Variants in CLSTN2 observed in about 807,000 individuals in gnomAD.
The protein encoded by CLSTN2 is calsyntenin 2, also known as calsyntenin-2.
A neutral mutation model predicts 101.2 loss-of-function variants in CLSTN2; 48 were observed. The ratio of observed to expected loss-of-function variants is 0.47; its 90% CI spans 0.38 to 0.60. The LOEUF (loss-of-function observed/expected upper bound fraction) is 0.60. Among genes scored for constraint, CLSTN2 ranks in the 20% least tolerant of loss-of-function variants. CLSTN2 has a pLI of 0.00. For missense variants in CLSTN2, 1,160 were observed against 1,238.2 expected (o/e 0.94, Z 0.95); for synonymous variants, 481 against 463.6 (o/e 1.04, Z -0.48).
chr3:140,261,602 T>C (rs2086654796), intron 2 of CLSTN2, among the ~76,000 whole-genome samples: 1 of 152,200 alleles, frequency 6.6e-6, no homozygotes, highest in African/African-American at 2.4e-5. Context: ...GTGTACTTGC[T>C]GCTACTAGGG....
chr3:139,940,493 A>G (rs1282484528), intron 1 of CLSTN2, among the ~76,000 whole-genome samples: 1 of 151,896 alleles, frequency 6.6e-6, no homozygotes, highest in East Asian at 2.0e-4. Context: ...ATGACTAATT[A>G]TTGATCACTT....
At chr3:139,961,064 G>A (rs972356390) in intron 1 of CLSTN2, among the ~76,000 whole-genome samples, 2 of 152,100 alleles carry the variant, frequency 1.3e-5, no homozygotes, top group Non-Finnish European at 2.9e-5. Context: ...ACAAAACTGA[G>A]TAGGATAGCA....
rs556004258 is a variant in CLSTN2, at chr3:140,048,540, C to A, written c.109+113057C>A. Among the ~76,000 whole-genome samples the A allele has an allele frequency of 1.5e-3, 225 of 152,332 alleles. 1 individual carries two copies. In the South Asian group the frequency reaches 0.021, roughly 14 times the overall value. ...CATTCTTTATACACATTAATTTAGA[C>A]CTCACAACAGCCCTATTGGGTAGAT... On this transcript the variant is annotated intron_variant, in intron 1 of 16. Transcript: ENST00000458420.
intron 8 of CLSTN2, among the ~76,000 whole-genome samples, chr3:140,481,233 G>A (rs1359614889): frequency 6.6e-6 from 1 of 152,068 alleles, no homozygotes; most frequent in African/African-American, 2.4e-5. Flanking sequence ...TTTTTGTCAG[G>A]TTTGTCAAAG....
chr3:140,182,488 T>C (rs2010424623), intron 2 of CLSTN2, among the ~76,000 whole-genome samples: 1 of 152,054 alleles, frequency 6.6e-6, no homozygotes, highest in Admixed American at 6.6e-5. Context: ...GCCCCACAGC[T>C]CTCTGAGCTC....
At chr3:140,318,429 G>A (rs1458937915) in intron 2 of CLSTN2, among the ~76,000 whole-genome samples, 1 of 152,202 alleles carries the variant, frequency 6.6e-6, no homozygotes, top group Non-Finnish European at 1.5e-5. Flanking sequence ...AAAGGGCGAT[G>A]TCAGGATGCT....
chr3:140,318,810 G>A (rs2087255498), intron 2 of CLSTN2, among the ~76,000 whole-genome samples: 1 of 152,158 alleles, frequency 6.6e-6, no homozygotes, highest in Admixed American at 6.5e-5. Flanking sequence ...GCTAAATGTT[G>A]AGGAGGAGTC....
At chr3:139,951,037 G>A (rs140414812) in intron 1 of CLSTN2, among the ~76,000 whole-genome samples, 2 of 152,294 alleles carry the variant, frequency 1.3e-5, no homozygotes, top group East Asian at 3.9e-4. Flanking sequence ...TCATAGGATG[G>A]TTGTATTCCT....
intron 2 of CLSTN2, among the ~76,000 whole-genome samples, chr3:140,275,652 ACT>A (rs1424458116): frequency 6.6e-6 from 1 of 151,422 alleles, no homozygotes; most frequent in East Asian, 1.9e-4. Context: ...AAGCCACCTG[ACT>A]CTCTACCCAT....
chr3:140,462,627 G>T (rs2108018318), intron 7 of CLSTN2: 1 of 152,224 alleles, frequency 6.6e-6, no homozygotes. Context: ...AGTCAGCAAA[G>T]GCTAACTGCA....
At chr3:139,993,635 A>C (rs1287638039) in intron 1 of CLSTN2, among the ~76,000 whole-genome samples, 1 of 152,092 alleles carries the variant, frequency 6.6e-6, no homozygotes, top group Non-Finnish European at 1.5e-5. Flanking sequence ...GAAACTCACA[A>C]ACCGTGCCTG....
At chr3:140,330,528 A>G (rs2087372693) in intron 2 of CLSTN2, among the ~76,000 whole-genome samples, 1 of 152,154 alleles carries the variant, frequency 6.6e-6, no homozygotes, top group Admixed American at 6.5e-5. Context: ...GCACCTTTCA[A>G]TGCTTCCTTG....
At chr3:140,019,965 T>C (rs146783657) in intron 1 of CLSTN2, among the ~76,000 whole-genome samples, 8 of 152,160 alleles carry the variant, frequency 5.3e-5, no homozygotes, top group African/African-American at 1.7e-4. Flanking sequence ...GCATGTCAAA[T>C]TGGGTGGAAC....
chr3:140,291,619 A>G (rs989848732), intron 2 of CLSTN2, among the ~76,000 whole-genome samples: 4 of 151,636 alleles, frequency 2.6e-5, no homozygotes, highest in African/African-American at 9.7e-5. Flanking sequence ...GGCCATCCAT[A>G]TGCTGGCAAC....
intron 1 of CLSTN2, among the ~76,000 whole-genome samples, chr3:139,947,926 G>A (rs898560318): frequency 1.8e-4 from 28 of 151,862 alleles, no homozygotes; most frequent in African/African-American, 5.8e-4. Context: ...GTCTTCCTAG[G>A]GAGAAGGAAC....
At chr3:140,296,332 T>C (rs1047955360) in intron 2 of CLSTN2, among the ~76,000 whole-genome samples, 22 of 152,250 alleles carry the variant, frequency 1.4e-4, no homozygotes, top group African/African-American at 5.3e-4. Context: ...TGACAGATAC[T>C]GGCAAATGGC....
rs547620699 is a variant in CLSTN2 at position 140,456,516 on chromosome 3, A to G, written c.974-3005A>G. 3.5e-3 allele frequency among the ~76,000 whole-genome samples: 529 copies of G among 152,350 alleles called. 5 individuals carry two copies. Among genetic ancestry groups the G allele is most frequent in the African/African-American group, 0.012 (482 of 41,576 alleles). On this transcript the variant is annotated intron_variant, in intron 6 of 16. Coordinates refer to ENST00000458420, the MANE Select transcript of CLSTN2 (RefSeq NM_022131.3). ...TATAAAAAATAAGGTTATATAGGCC[A>G]GGCGTAGTGCTCGTAATCCCAGCAC...
intron 2 of CLSTN2, among the ~76,000 whole-genome samples, chr3:140,290,751 C>G (rs1417257713): frequency 1.2e-4 from 18 of 152,230 alleles, no homozygotes; most frequent in Admixed American, 1.2e-3. Flanking sequence ...CCTCCTTGGT[C>G]TTCAAGCCAC....
chr3:139,992,006 G>C (rs760911894), intron 1 of CLSTN2, among the ~76,000 whole-genome samples: 3 of 152,158 alleles, frequency 2.0e-5, no homozygotes, highest in Non-Finnish European at 2.9e-5. Context: ...TGCTTGTTCT[G>C]TTATGTGGGG....
Sources: allele counts gnomAD v4.1 joint callset (sites outside exome capture counted in the v4.1 genomes callset), GRCh38; gene constraint gnomAD v4.1.1; transcripts MANE v1.5; gene names NCBI Gene and HGNC (gene_info 2026-07-23, HGNC 2026-07-21).